The following PARP8 variants were observed in gnomAD, a reference collection of about 807,000 sequenced individuals.
The protein encoded by PARP8 is protein mono-ADP-ribosyltransferase PARP8.
PARP8 carries 51 observed loss-of-function variants against 124.1 expected under a neutral mutation model. The ratio of observed to expected loss-of-function variants is 0.41; its 90% CI spans 0.33 to 0.52. The LOEUF is 0.52. PARP8 is among the 20% of genes least tolerant of loss of function. The probability of loss-of-function intolerance (pLI) is 0.21; values close to 1 mark genes in which losing one functional copy is unlikely to be tolerated. For synonymous variants in PARP8, 391 were observed against 361.5 expected, an observed-to-expected ratio of 1.08 and a Z score of -0.93; for missense variants, 860 against 1,018.9, an observed-to-expected ratio of 0.84 and a Z score of 2.12.
chr5:50,746,343 C>A (rs1758539620), intron 2 of PARP8, among the ~76,000 whole-genome samples: 2 of 152,008 alleles, frequency 1.3e-5, no homozygotes, highest in Non-Finnish European at 1.5e-5. Context: ...TCAAATAGTT[C>A]TGTATTTTGT....
Position 50,833,986 on chromosome 5 carries a change from A to G in PARP8, c.2315A>G (p.Lys772Arg). 6.2e-7 allele frequency: 1 copy of G among 1,612,228 alleles called. No homozygotes were observed. ...ATTGTTTTTGGAATTTAGTCACAGA[A>G]AAAAGGACAGCAATCCCAATTCCTG... ...SKSSNTSQSQ[K>R]KGQQSQFLQS... Residue 772 changes from lysine (K) to arginine (R), a missense_variant, in exon 24 of 26, where the codon AAA becomes AGA. Around this residue, in one of 2 missense-constraint regions of PARP8, gnomAD observed 343 missense variants for 474.7 expected, o/e 0.72. Coordinates refer to ENST00000281631, the MANE Select transcript of PARP8 (RefSeq NM_024615.4).
chr5:50,803,114 G>T (rs1413001245), intron 14 of PARP8, among the ~76,000 whole-genome samples: 4 of 152,170 alleles, frequency 2.6e-5, no homozygotes, highest in Non-Finnish European at 4.4e-5. Context: ...GTGTGATGGA[G>T]GAGGATTTGT....
At position 50,819,041 on chromosome 5, in the gene PARP8, T is replaced by C. The variant is rs576716046; in HGVS notation, c.1669-2172T>C. On this transcript the variant is annotated intron_variant, in intron 15 of 25. Transcript: ENST00000281631. ...CCACTGATGATCTGGTGAAAGCCAG[T>C]GGTTAAGACCTTATTCAGACAAAAA... 1.8e-4 allele frequency among the ~76,000 whole-genome samples: 28 copies of C among 152,290 alleles called. 1 individual carries two copies. In the South Asian group the frequency reaches 5.6e-3, roughly 30 times the overall value.
chr5:50,831,505 A>C (rs892493893), intron 22 of PARP8, among the ~76,000 whole-genome samples: 1 of 152,220 alleles, frequency 6.6e-6, no homozygotes, highest in Admixed American at 6.6e-5. Context: ...ACACAAAGAA[A>C]ATAAATACCA....
intron 7 of PARP8, among the ~76,000 whole-genome samples, chr5:50,769,607 A>G (rs1367252496): frequency 2.0e-5 from 3 of 151,842 alleles, no homozygotes; most frequent in Non-Finnish European, 4.4e-5. Flanking sequence ...GTTGCTGTTT[A>G]CCAATATTTA....
Position 50,678,546 on chromosome 5 carries a change from GGATA to G in PARP8, c.146+10426_146+10429del, listed in dbSNP as rs530778373. On this transcript the variant is annotated intron_variant, in intron 2 of 25. Transcript: ENST00000281631. ...TTGATATATATAGGTACATATATATGGATAGATAAATATAGATATATGAGAGAGA... is the reference window on the plus strand; with the variant it reads ...TTGATATATATAGGTACATATATATGGATAAATATAGATATATGAGAGAGA... Among the ~76,000 whole-genome samples, 162 of 152,136 alleles carry G rather than the reference GGATA, an allele frequency of 1.1e-3. 1 individual carries two copies. Among genetic ancestry groups the G allele is most frequent in the African/African-American group, 3.8e-3 (157 of 41,516 alleles).
chr5:50,772,053 A>G (rs1326724705), intron 7 of PARP8, among the ~76,000 whole-genome samples: 2 of 152,130 alleles, frequency 1.3e-5, no homozygotes, highest in Admixed American at 1.3e-4. Flanking sequence ...CTGTACTACA[A>G]TGAGATCAGC....
In PARP8 at chr5:50,795,273, G is replaced by A; in HGVS notation, c.1284G>A (p.Leu428=). 1 of 1,614,050 alleles carries A rather than the reference G, an allele frequency of 6.2e-7. No individual in the cohort carries two copies. The highest frequency in any genetic ancestry group is 8.5e-7 in the Non-Finnish European group (1 of 1,180,006). ...TATATGGACTGAAAAATCACAAATT[G>A]CTCAGCAAGTCCTACTCCAGTGCCC... ...EELYGLKNHK[L]LSKSYSSAPK... is the part of the protein sequence containing the mutation. The change falls in exon 12 of 26, where the codon TTG becomes TTA. Residue 428 remains leucine (L), a synonymous_variant. Transcript: ENST00000281631.
chr5:50,784,065 G>A (rs1740971868), intron 9 of PARP8, among the ~76,000 whole-genome samples: 1 of 152,142 alleles, frequency 6.6e-6, no homozygotes, highest in Non-Finnish European at 1.5e-5. Flanking sequence ...TAAAAAGAGT[G>A]TTTGCAATGT....
intron 2 of PARP8, among the ~76,000 whole-genome samples, chr5:50,719,393 T>C (rs531702288): frequency 6.6e-6 from 1 of 152,080 alleles, no homozygotes; most frequent in Admixed American, 6.6e-5. Context: ...ACTTAAGAAA[T>C]CTTTGCCCAG....
At position 50,766,899 on chromosome 5, in the gene PARP8, C is replaced by T. The variant is rs1408502855; in HGVS notation, c.518+3657C>T. On this transcript the variant is annotated intron_variant, in intron 7 of 25. Coordinates refer to ENST00000281631, the MANE Select transcript of PARP8 (RefSeq NM_024615.4). Reference sequence around the variant, plus strand: ...GAAAGGAAAGAAAAAAAATGCATACCTCAGAATGCACTGCTTTACATTCTC... The same window carrying T: ...GAAAGGAAAGAAAAAAAATGCATACTTCAGAATGCACTGCTTTACATTCTC... 2.6e-5 allele frequency among the ~76,000 whole-genome samples: 4 copies of T among 152,088 alleles called. No homozygotes were observed. The East Asian group carries it at 7.7e-4, about 29-fold the overall frequency.
intron 2 of PARP8, among the ~76,000 whole-genome samples, chr5:50,706,206 G>C (rs1489286619): frequency 6.6e-6 from 1 of 152,008 alleles, no homozygotes; most frequent in African/African-American, 2.4e-5. Context: ...TGTACCTACT[G>C]ATTATTAGTG....
chr5:50,760,494 C>T (rs1229210611), intron 5 of PARP8, 132 bp downstream of exon 5: 3 of 711,158 alleles, frequency 4.2e-6, no homozygotes, highest in Non-Finnish European at 5.9e-6. Context: ...GCTAATGGCT[C>T]AGGGGTGTTT....
At chr5:50,826,711 A>G (rs1457992756) in intron 18 of PARP8, 44 bp from the exon 19 acceptor site, 2 of 1,544,508 alleles carry the variant, frequency 1.3e-6, no homozygotes, top group Non-Finnish European at 1.7e-6. Flanking sequence ...AACTTTAAAT[A>G]TATTTGGCAT....
At chr5:50,828,184 G>A in intron 20 of PARP8, 128 bp downstream of exon 20, 2 of 1,130,582 alleles carry the variant, frequency 1.8e-6, no homozygotes, top group Non-Finnish European at 2.6e-6. Flanking sequence ...TGGTCATGTA[G>A]TCAACTACAT....
At chr5:50,760,508 A>G (rs543346737) in intron 5 of PARP8, 146 bp downstream of exon 5, 4 of 615,108 alleles carry the variant, frequency 6.5e-6, no homozygotes, top group Non-Finnish European at 9.4e-6. Flanking sequence ...GGTGTTTGGT[A>G]TGGTAGGAAG....
In PARP8 at chr5:50,830,067, T is replaced by C. The variant is rs193226470; in HGVS notation, c.2233+106T>C. 3.2e-4 allele frequency: 394 copies of C among 1,245,940 alleles called. 5 individuals carry two copies. The East Asian group carries it at 9.9e-3, about 31-fold the overall frequency. 77.2% of individuals were successfully genotyped at this position (1,245,940 alleles called of 1,614,324 possible). ...TATTGTGCCTTATTAGATATATTTT[T>C]ATTAAATTTGTTTGCTAAATGTCAA... On this transcript the variant is annotated intron_variant, in intron 22 of 25. Coordinates refer to ENST00000281631, the MANE Select transcript of PARP8 (RefSeq NM_024615.4).
At chr5:50,821,798 A>G (rs1745791818) in intron 16 of PARP8, among the ~76,000 whole-genome samples, 1 of 152,220 alleles carries the variant, frequency 6.6e-6, no homozygotes, top group South Asian at 2.1e-4. Context: ...TTTTATAGAA[A>G]CAACTGTATA....
chr5:50,771,549 T>C (rs1761631433), intron 7 of PARP8, among the ~76,000 whole-genome samples: 2 of 152,336 alleles, frequency 1.3e-5, no homozygotes, highest in Admixed American at 1.3e-4. Context: ...GTCATAGATA[T>C]CAAAAAGCAA....
Sources: allele counts gnomAD v4.1 joint callset (sites outside exome capture counted in the v4.1 genomes callset), GRCh38; gene constraint gnomAD v4.1.1; regional missense constraint gnomAD v4.1.1; transcripts MANE v1.5; gene names NCBI Gene and HGNC (gene_info 2026-07-23, HGNC 2026-07-21).